Variants in FER observed in about 807,000 individuals in gnomAD.
The protein encoded by FER is FER tyrosine kinase.
In FER, 63 loss-of-function variants were observed where a neutral mutation model predicts 111.0. The observed-to-expected ratio is 0.57, with a 90% confidence interval of 0.46 to 0.70. FER has a LOEUF of 0.70. FER is among the 30% of genes least tolerant of loss of function. FER has a pLI of 0.00. For synonymous variants in FER, 327 were observed against 313.9 expected (o/e 1.04, Z -0.44); for missense variants, 914 against 954.0 (o/e 0.96, Z 0.55).
At chr5:109,156,503 T>G (rs1326428085) in intron 17 of FER, among the ~76,000 whole-genome samples, 1 of 151,892 alleles carries the variant, frequency 6.6e-6, no homozygotes, top group Non-Finnish European at 1.5e-5. Flanking sequence ...AGGAGGAATT[T>G]AGGGCAGAGA....
chr5:109,082,488 G>T (rs928097663), intron 16 of FER, among the ~76,000 whole-genome samples: 2 of 152,008 alleles, frequency 1.3e-5, no homozygotes, highest in Admixed American at 1.3e-4. Context: ...ATAGTACGTT[G>T]TTGGGAAAGT....
intron 17 of FER, among the ~76,000 whole-genome samples, chr5:109,141,925 A>T (rs1753563534): frequency 6.6e-6 from 1 of 150,416 alleles, no homozygotes; most frequent in Non-Finnish European, 1.5e-5. Context: ...TCAAACCACC[A>T]GCATAAAAGC....
At chr5:109,052,044 A>G in intron 16 of FER, 1 of 1,598,918 alleles carries the variant, frequency 6.3e-7, no homozygotes. Flanking sequence ...GCTCTTCAAT[A>G]CCATACTTGA....
chr5:109,020,525 A>T (rs896174161), intron 13 of FER, among the ~76,000 whole-genome samples: 10 of 152,038 alleles, frequency 6.6e-5, no homozygotes, highest in African/African-American at 2.2e-4. Flanking sequence ...AAAATAAGCC[A>T]CATTTAGATC....
chr5:108,826,703 A>G (rs1456489332), intron 3 of FER, among the ~76,000 whole-genome samples: 1 of 152,360 alleles, frequency 6.6e-6, no homozygotes, highest in East Asian at 1.9e-4. Flanking sequence ...GTTTTGTAGA[A>G]TTCACTAATG....
intron 18 of FER, among the ~76,000 whole-genome samples, chr5:109,182,310 C>A (rs925743602): frequency 6.6e-6 from 1 of 152,218 alleles, no homozygotes; most frequent in Non-Finnish European, 1.5e-5. Context: ...CAGATGCTAA[C>A]CCTCACCCTT....
intron 9 of FER, among the ~76,000 whole-genome samples, chr5:108,890,766 G>A (rs937018530): frequency 2.6e-5 from 4 of 151,980 alleles, no homozygotes; most frequent in South Asian, 2.1e-4. Context: ...TAACAGTATG[G>A]ATATACCACA....
At chr5:109,071,950 AT>A (rs1440139607) in intron 16 of FER, among the ~76,000 whole-genome samples, 2 of 150,676 alleles carry the variant, frequency 1.3e-5, no homozygotes, top group African/African-American at 4.9e-5. Context: ...GATATATAAC[AT>A]TTTTTGACGA....
At chr5:109,094,558 C>T (rs916753501) in intron 16 of FER, among the ~76,000 whole-genome samples, 1 of 152,022 alleles carries the variant, frequency 6.6e-6, no homozygotes, top group African/African-American at 2.4e-5. Context: ...CAGTGGTTGA[C>T]AAATTTTTTT....
At chr5:108,901,129 C>A (rs1749955625) in intron 10 of FER, among the ~76,000 whole-genome samples, 1 of 145,366 alleles carries the variant, frequency 6.9e-6, no homozygotes. Flanking sequence ...TTGGAGGATG[C>A]AGTCTTCAGT....
intron 16 of FER, chr5:109,052,025 C>G: frequency 6.3e-7 from 1 of 1,594,112 alleles, no homozygotes; most frequent in South Asian, 1.1e-5. Flanking sequence ...TGCATTTTCA[C>G]CTTACCATGC....
intron 10 of FER, among the ~76,000 whole-genome samples, chr5:108,938,157 T>G (rs1755778839): frequency 6.6e-6 from 1 of 151,394 alleles, no homozygotes; most frequent in South Asian, 2.1e-4. Context: ...TCTTGTAAGG[T>G]GTAAGGTTCT....
At chr5:108,879,447 CTG>C (rs1765415421) in intron 8 of FER, among the ~76,000 whole-genome samples, 1 of 151,690 alleles carries the variant, frequency 6.6e-6, no homozygotes, top group Non-Finnish European at 1.5e-5. Flanking sequence ...CTCCCTGTAT[CTG>C]TGTGTTCTCA....
intron 3 of FER, among the ~76,000 whole-genome samples, chr5:108,810,975 G>T (rs1384608994): frequency 6.6e-6 from 1 of 152,056 alleles, no homozygotes; most frequent in Non-Finnish European, 1.5e-5. Flanking sequence ...ATTGCCCCAT[G>T]ATCTATGCAC....
chr5:109,175,089 A>G (rs899959700), intron 17 of FER, among the ~76,000 whole-genome samples: 8 of 152,348 alleles, frequency 5.3e-5, no homozygotes, highest in Admixed American at 2.6e-4. Flanking sequence ...TTTTAGGAGA[A>G]CTAAACTGAG....
At chr5:109,143,361 C>T (rs568714119) in intron 17 of FER, among the ~76,000 whole-genome samples, 1 of 152,156 alleles carries the variant, frequency 6.6e-6, no homozygotes, top group Non-Finnish European at 1.5e-5. Flanking sequence ...TAATCAGCCT[C>T]TGAGTATTGA....
chr5:109,065,243 T>G (rs1774940205), intron 16 of FER, among the ~76,000 whole-genome samples: 1 of 152,154 alleles, frequency 6.6e-6, no homozygotes, highest in Non-Finnish European at 1.5e-5. Flanking sequence ...TTTCCAAGAT[T>G]AAAAGACAAC....
Position 109,187,684 on chromosome 5 carries a change from AC to A in FER, c.*111del. ...ACCACATTACCTTCGACAGTCTTCTACCATTATTTTTTATTAACTGGGTGTT... is the reference window on the plus strand; with the variant it reads ...ACCACATTACCTTCGACAGTCTTCTACATTATTTTTTATTAACTGGGTGTT... On this transcript the variant is annotated 3_prime_UTR_variant, in exon 20 of 20. Coordinates refer to ENST00000281092, the MANE Select transcript of FER (RefSeq NM_005246.4). 7.6e-7 allele frequency: 1 copy of A among 1,318,918 alleles called. No individual in the cohort carries two copies. The allele number at this position is 1,318,918 out of a possible 1,614,324, so 81.7% of individuals were successfully genotyped here.
intron 13 of FER, among the ~76,000 whole-genome samples, chr5:109,027,571 T>G (rs1768933029): frequency 6.6e-6 from 1 of 152,148 alleles, no homozygotes; most frequent in African/African-American, 2.4e-5. Flanking sequence ...AGATCGAATT[T>G]CAAATATGTC....
Sources: gnomAD v4.1 joint callset for allele counts (sites outside exome capture counted in the v4.1 genomes callset) on GRCh38, gnomAD v4.1.1 for gene constraint, MANE v1.5 for transcripts, NCBI Gene and HGNC (gene_info 2026-07-23, HGNC 2026-07-21) for gene names.